UGT1A9: variants seen among roughly 807,000 people sequenced by gnomAD.
The protein encoded by UGT1A9 is UDP-glucuronosyltransferase 1A9.
A neutral mutation model predicts 45.0 loss-of-function variants in UGT1A9; 35 were observed. The ratio of observed to expected loss-of-function variants is 0.78; its 90% CI spans 0.59 to 1.03. UGT1A9 has a LOEUF of 1.03. Among genes scored for constraint, UGT1A9 ranks in the 50% least tolerant of loss-of-function variants. The pLI is 0.00. For synonymous variants in UGT1A9, 278 were observed against 250.6 expected (o/e 1.11, Z -1.03); for missense variants, 687 against 666.6 (o/e 1.03, Z -0.34).
chr2:233,739,185 T>C (rs1265092555), intron 1 of UGT1A9: 3 of 152,264 alleles, frequency 2.0e-5, no homozygotes, highest in Admixed American at 2.0e-4. Context: ...AATGCTTGGA[T>C]GTCCAGGCAG....
chr2:233,693,701 G>T (rs984756708), intron 1 of UGT1A9: 2 of 1,614,074 alleles, frequency 1.2e-6, no homozygotes, highest in East Asian at 2.2e-5. Flanking sequence ...TGAAGAACTC[G>T]CATCAGCTGT....
intron 4 of UGT1A9, among the ~76,000 whole-genome samples, chr2:233,768,799 G>A (rs1295681406): frequency 1.3e-5 from 2 of 151,984 alleles, no homozygotes; most frequent in East Asian, 3.9e-4. Flanking sequence ...TGTCAGGCTG[G>A]TCTTGAACTC....
Position 233,693,534 on chromosome 2 carries a change from C to G in UGT1A9, c.855+20745C>G, listed in dbSNP as rs74429718. 3.5e-5 allele frequency: 56 copies of G among 1,614,178 alleles called. No individual in the cohort carries two copies. The highest frequency in any genetic ancestry group is 4.7e-5 in the Non-Finnish European group (55 of 1,180,024). On this transcript the variant is annotated intron_variant, in intron 1 of 4. Transcript: ENST00000354728. Reference sequence around the variant, plus strand: ...TACCTCTTCAGGGGTTTTCCGTGTTCCCTGGAGCATACATTCAGCAGAAGC... The same window carrying G: ...TACCTCTTCAGGGGTTTTCCGTGTTGCCTGGAGCATACATTCAGCAGAAGC...
At chr2:233,720,465 GATGA>G (rs2076862299) in intron 1 of UGT1A9, among the ~76,000 whole-genome samples, 1 of 152,108 alleles carries the variant, frequency 6.6e-6, no homozygotes, top group Non-Finnish European at 1.5e-5. Flanking sequence ...TGGGACCAGT[GATGA>G]ATGGACATGT....
chr2:233,704,184 C>G (rs2075771815), intron 1 of UGT1A9, among the ~76,000 whole-genome samples: 1 of 151,754 alleles, frequency 6.6e-6, no homozygotes, highest in Admixed American at 6.6e-5. Flanking sequence ...AGCCACTGTG[C>G]CTGGCCCCAT....
chr2:233,706,757 A>G (rs2075922753), intron 1 of UGT1A9, among the ~76,000 whole-genome samples: 1 of 152,212 alleles, frequency 6.6e-6, no homozygotes, highest in African/African-American at 2.4e-5. Context: ...AGAGTGCCGT[A>G]CACTGGTATC....
chr2:233,768,117 TGTGA>T, intron 3 of UGT1A9, 99 bp from the exon 4 acceptor site: 1 of 1,600,038 alleles, frequency 6.2e-7, no homozygotes, highest in Non-Finnish European at 8.5e-7. Flanking sequence ...TGCAAGGGCA[TGTGA>T]GTAACACTGA....
chr2:233,673,802 T>C (rs1020033009), intron 1 of UGT1A9, among the ~76,000 whole-genome samples: 3 of 152,200 alleles, frequency 2.0e-5, no homozygotes, highest in Non-Finnish European at 4.4e-5. Flanking sequence ...CCAGCCACAT[T>C]ACTAACTTAT....
At chr2:233,741,073 T>C (rs1691558137) in intron 1 of UGT1A9, among the ~76,000 whole-genome samples, 1 of 151,920 alleles carries the variant, frequency 6.6e-6, no homozygotes, top group South Asian at 2.1e-4. Context: ...AGCGAGACCC[T>C]GTCTTTAAAA....
chr2:233,710,872 T>TA (rs1227633401), intron 1 of UGT1A9, among the ~76,000 whole-genome samples: 2 of 152,242 alleles, frequency 1.3e-5, no homozygotes, highest in African/African-American at 4.8e-5. Flanking sequence ...TTAAAAAAGT[T>TA]AAACAGTTTA....
rs573836157 is a variant in UGT1A9, at chr2:233,683,415, T to G, written c.855+10626T>G. 1.7e-3 allele frequency among the ~76,000 whole-genome samples: 265 copies of G among 152,282 alleles called. 1 individual carries two copies. The highest frequency in any genetic ancestry group is 0.016 in the South Asian group (79 of 4,824). ...TAGAGATTTAAGTGTTTTCCACTTTTGGGGTTTATGAGCAATAATAAGAAT... is the reference window on the plus strand; with the variant it reads ...TAGAGATTTAAGTGTTTTCCACTTTGGGGGTTTATGAGCAATAATAAGAAT... On this transcript the variant is annotated intron_variant, in intron 1 of 4. Transcript: ENST00000354728.
At chr2:233,766,654 A>G (rs1414675173) in intron 1 of UGT1A9, among the ~76,000 whole-genome samples, 3 of 152,054 alleles carry the variant, frequency 2.0e-5, no homozygotes, top group Non-Finnish European at 4.4e-5. Flanking sequence ...ATTTAAAGGG[A>G]CCACGCCCTT....
intron 1 of UGT1A9, among the ~76,000 whole-genome samples, chr2:233,683,564 A>G (rs891105811): frequency 6.6e-6 from 1 of 152,106 alleles, no homozygotes; most frequent in African/African-American, 2.4e-5. Context: ...TTCTTTTGCT[A>G]TTACATCTTC....
intron 1 of UGT1A9, chr2:233,754,583 T>A (rs1211544533): frequency 2.3e-6 from 1 of 426,868 alleles, no homozygotes; most frequent in East Asian, 7.0e-5. Context: ...ATGCCGTTTA[T>A]TATGAAGGAC....
chr2:233,754,718 T>C (rs548415116), intron 1 of UGT1A9: 30 of 561,924 alleles, frequency 5.3e-5, no homozygotes, highest in African/African-American at 4.6e-4. Flanking sequence ...TGAAGCTGCC[T>C]GTCCCATCAC....
intron 1 of UGT1A9, chr2:233,713,863 G>A: frequency 6.2e-7 from 1 of 1,613,884 alleles, no homozygotes; most frequent in Non-Finnish European, 8.5e-7. Context: ...TCTCAGGTCT[G>A]TATTGGTGCC....
intron 1 of UGT1A9, among the ~76,000 whole-genome samples, chr2:233,701,112 T>A (rs1234680101): frequency 6.6e-6 from 1 of 152,196 alleles, no homozygotes; most frequent in Non-Finnish European, 1.5e-5. Flanking sequence ...CTTAATCCAG[T>A]CTATCATTGA....
At chr2:233,728,943 T>A (rs1281650541) in intron 1 of UGT1A9, among the ~76,000 whole-genome samples, 3 of 148,150 alleles carry the variant, frequency 2.0e-5, no homozygotes, top group Admixed American at 2.0e-4. Flanking sequence ...TTTTCCAGGG[T>A]GGGGCCCACA....
intron 1 of UGT1A9, among the ~76,000 whole-genome samples, chr2:233,745,989 G>A (rs1477607074): frequency 1.3e-5 from 2 of 151,676 alleles, no homozygotes; most frequent in Admixed American, 1.3e-4. Context: ...ATGACAGCTG[G>A]GTCTGAGAGA....
Sources: gnomAD v4.1 joint callset for allele counts (sites outside exome capture counted in the v4.1 genomes callset) on GRCh38, gnomAD v4.1.1 for gene constraint, MANE v1.5 for transcripts, NCBI Gene and HGNC (gene_info 2026-07-23, HGNC 2026-07-21) for gene names.